Variants in ATP11A observed in about 807,000 individuals in gnomAD.
ATP11A encodes ATPase phospholipid transporting 11A.
In ATP11A, 81 loss-of-function variants were observed where a neutral mutation model predicts 154.4. That is an observed-to-expected ratio of 0.52 (90% CI 0.44 to 0.63). ATP11A has a LOEUF of 0.63. Ranked by LOEUF, ATP11A falls within the 30% of genes least tolerant of loss-of-function variation. The pLI, the probability that ATP11A is intolerant of heterozygous loss-of-function variation, is 0.00. For missense variants in ATP11A, 1,316 were observed against 1,474.3 expected (o/e 0.89, Z 1.76); for synonymous variants, 623 against 585.9 (o/e 1.06, Z -0.91).
intron 13 of ATP11A, among the ~76,000 whole-genome samples, chr13:112,832,515 CTG>C (rs1056891106): frequency 3.3e-5 from 5 of 152,196 alleles, no homozygotes; most frequent in Non-Finnish European, 7.3e-5. Flanking sequence ...TTGTGAATGT[CTG>C]TGTTCGTGGC....
intron 1 of ATP11A, among the ~76,000 whole-genome samples, chr13:112,764,077 T>C (rs996663396): frequency 6.6e-6 from 1 of 152,298 alleles, no homozygotes. Context: ...TTGTTTGGAG[T>C]GTTACCAGGA....
chr13:112,843,188 C>T (rs892843898), intron 17 of ATP11A, among the ~76,000 whole-genome samples: 21 of 152,140 alleles, frequency 1.4e-4, no homozygotes, highest in Non-Finnish European at 2.9e-5. Context: ...AGTGCACATG[C>T]TCCCTCCTGT....
In ATP11A at chr13:112,816,830, T is replaced by C. The variant is rs369233495; in HGVS notation, c.570+619T>C. Among the ~76,000 whole-genome samples the C allele has an allele frequency of 1.3e-4, 20 of 152,366 alleles. No individual in the cohort carries two copies. In the East Asian group the frequency reaches 2.1e-3, roughly 16 times the overall value. Reference sequence around the variant, plus strand: ...TCAGTGTTAACCTGTGTCAATTAGCTAATGTACCAAATTCAGGATTTAATG... The same window carrying C: ...TCAGTGTTAACCTGTGTCAATTAGCCAATGTACCAAATTCAGGATTTAATG... On this transcript the variant is annotated intron_variant, in intron 6 of 29. Coordinates refer to ENST00000375645, the MANE Select transcript of ATP11A (RefSeq NM_015205.3).
chr13:112,873,790 G>T, intron 27 of ATP11A, 114 bp downstream of exon 27: 1 of 1,007,558 alleles, frequency 9.9e-7, no homozygotes, highest in Non-Finnish European at 1.5e-6. Context: ...GCAAGTGTTT[G>T]TTGAATGGCT....
chr13:112,756,614 C>T (rs892719637), intron 1 of ATP11A, among the ~76,000 whole-genome samples: 3 of 152,240 alleles, frequency 2.0e-5, no homozygotes, highest in African/African-American at 7.2e-5. Flanking sequence ...CCGCTGGTGG[C>T]GGCTGAGCTC....
Position 112,859,343 on chromosome 13 carries a change from T to C in ATP11A, c.2668-50T>C. On this transcript the variant is annotated intron_variant, in intron 22 of 29. Coordinates refer to ENST00000375645, the MANE Select transcript of ATP11A (RefSeq NM_015205.3). The surrounding 1 kb of genome is among the most constrained non-coding windows in gnomAD (Gnocchi z 4.3). ...GTGGGCCACGTCGGTAGGTGGCGGC[T>C]GCCTCCCTCTGTCCCGTCACCGAAC... is the stretch of plus-strand genomic sequence containing the variant. 6.5e-7 allele frequency: 1 copy of C among 1,544,850 alleles called. No homozygotes were observed. The highest frequency in any genetic ancestry group is 9.0e-7 in the Non-Finnish European group (1 of 1,117,138).
intron 1 of ATP11A, among the ~76,000 whole-genome samples, chr13:112,766,276 C>T (rs1307973791): frequency 6.6e-6 from 1 of 152,140 alleles, no homozygotes; most frequent in Non-Finnish European, 1.5e-5. Context: ...TTTTAGCAGC[C>T]TGAAGCCATG....
chr13:112,865,537 A>C (rs182476590), intron 25 of ATP11A, among the ~76,000 whole-genome samples: 1 of 152,266 alleles, frequency 6.6e-6, no homozygotes, highest in African/African-American at 2.4e-5. Flanking sequence ...GTCCTGCTGA[A>C]GTTTTTTTTT....
chr13:112,827,358 G>A (rs1443341271), intron 12 of ATP11A, among the ~76,000 whole-genome samples: 3 of 152,236 alleles, frequency 2.0e-5, no homozygotes, highest in Non-Finnish European at 4.4e-5. Context: ...GGGCTTCACC[G>A]CCACACCTCG....
At chr13:112,819,194 A>G (rs2078726650) in intron 6 of ATP11A, 110 bp from the exon 7 acceptor site, 3 of 863,918 alleles carry the variant, frequency 3.5e-6, no homozygotes, top group South Asian at 3.0e-5. Context: ...TTAAACATTT[A>G]CAAACTCATA....
At chr13:112,728,900 A>G (rs1890188940) in intron 1 of ATP11A, among the ~76,000 whole-genome samples, 1 of 152,192 alleles carries the variant, frequency 6.6e-6, no homozygotes, top group Non-Finnish European at 1.5e-5. Context: ...GACCTCTGCT[A>G]GCGGCTTCCC....
In ATP11A at chr13:112,824,470, T is replaced by C. The variant is rs755517837; in HGVS notation, c.872+45T>C. 5 of 1,563,034 alleles carry C rather than the reference T, an allele frequency of 3.2e-6. No individual in the cohort carries two copies. In the South Asian group the frequency reaches 5.6e-5, roughly 17 times the overall value. On this transcript the variant is annotated intron_variant, in intron 10 of 29. Transcript: ENST00000375645. ...AGAACCTGCAACTTAAAAGTGTCAT[T>C]ACCCACTGTAGAAATGGAAGTAGCT... is the stretch of plus-strand genomic sequence containing the variant.
chr13:112,790,266 A>G (rs970294010), intron 2 of ATP11A, among the ~76,000 whole-genome samples: 10 of 149,240 alleles, frequency 6.7e-5, no homozygotes, highest in Non-Finnish European at 7.4e-5. Context: ...GCATCTTGAC[A>G]TGTAGACTCC....
intron 1 of ATP11A, among the ~76,000 whole-genome samples, chr13:112,742,230 G>A (rs1891638329): frequency 6.6e-6 from 1 of 152,220 alleles, no homozygotes; most frequent in Non-Finnish European, 1.5e-5. Flanking sequence ...GATGGCTGCT[G>A]CCTGGCCTGA....
In ATP11A at chr13:112,883,117, C is replaced by T. The variant is rs1255587322; in HGVS notation, c.*1251C>T. On this transcript the variant is annotated 3_prime_UTR_variant, in exon 30 of 30. Transcript: ENST00000375645. ...CTGTCACCTCGTCCCCACGTCCCCT[C>T]GTCTCCTCATCCCCACGTCCTCTCG... 2.9e-5 allele frequency: 7 copies of T among 242,600 alleles called. No individual in the cohort carries two copies. The highest frequency in any genetic ancestry group is 2.5e-4 in the Admixed American group (2 of 8,124). The allele number at this position is 242,600 out of a possible 1,614,324, so 15.0% of individuals were successfully genotyped here. A position where few individuals can be genotyped will look rare whatever the true frequency, so the allele number is the denominator to read the frequency against.
chr13:112,825,798 G>A (rs966092531), intron 11 of ATP11A, among the ~76,000 whole-genome samples: 2 of 152,240 alleles, frequency 1.3e-5, no homozygotes, highest in African/African-American at 4.8e-5. Flanking sequence ...GGTTCCCACA[G>A]TGAAATCATC....
intron 1 of ATP11A, among the ~76,000 whole-genome samples, chr13:112,733,835 T>A (rs1362236869): frequency 1.3e-5 from 2 of 152,252 alleles, no homozygotes; most frequent in Admixed American, 6.5e-5. Flanking sequence ...ATTGTCCAAG[T>A]CAGTGGACAG....
At chr13:112,723,006 A>G (rs1044192686) in intron 1 of ATP11A, among the ~76,000 whole-genome samples, 4 of 152,054 alleles carry the variant, frequency 2.6e-5, no homozygotes, top group Admixed American at 2.6e-4. Flanking sequence ...GTTCTATCTA[A>G]AACTTGGAGT....
intron 1 of ATP11A, among the ~76,000 whole-genome samples, chr13:112,743,705 G>A (rs2139765285): frequency 6.6e-6 from 1 of 152,338 alleles, no homozygotes; most frequent in East Asian, 1.9e-4. Context: ...TGACGGCTTA[G>A]GCAGATGTAG....
Sources: allele counts gnomAD v4.1 joint callset (sites outside exome capture counted in the v4.1 genomes callset), GRCh38; gene constraint gnomAD v4.1.1; non-coding constraint Gnocchi (gnomAD v3.1); transcripts MANE v1.5; gene names NCBI Gene and HGNC (gene_info 2026-07-23, HGNC 2026-07-21).